The following EPCAM variants were observed in gnomAD, a reference collection of about 807,000 sequenced individuals.
The protein encoded by EPCAM is adenocarcinoma-associated antigen.
EPCAM carries 39 observed loss-of-function variants against 40.0 expected under a neutral mutation model. The ratio of observed to expected loss-of-function variants is 0.98; its 90% CI spans 0.76 to 1.27. The LOEUF is 1.27. EPCAM is among the 50% of genes most tolerant of loss of function. EPCAM has a pLI of 0.00. For synonymous variants in EPCAM, 168 were observed against 132.3 expected (o/e 1.27, Z -1.85); for missense variants, 503 against 381.2 (o/e 1.32, Z -2.66).
At chr2:47,381,392 CAAA>C (rs370875469) in intron 7 of EPCAM, among the ~76,000 whole-genome samples, 15 of 74,348 alleles carry the variant, frequency 2.0e-4, no homozygotes, top group African/African-American at 6.4e-4. Context: ...AACTCCGTCT[CAAA>C]AAAAAAAAAA....
intron 7 of EPCAM, among the ~76,000 whole-genome samples, chr2:47,384,789 C>T (rs996704421): frequency 6.6e-6 from 1 of 152,184 alleles, no homozygotes; most frequent in African/African-American, 2.4e-5. Flanking sequence ...TCACTGCAAC[C>T]TCTGCCTCCT....
rs539981178 is a variant in EPCAM at position 47,386,975 on chromosome 2, A to G, written c.*362A>G. 77 of 241,342 alleles carry G rather than the reference A, an allele frequency of 3.2e-4. No homozygotes were observed. Among genetic ancestry groups the G allele is most frequent in the Non-Finnish European group, 5.5e-4 (68 of 124,132 alleles). The allele number at this position is 241,342 out of a possible 1,614,324, so 15.0% of individuals were successfully genotyped here. ...CTTTCTATTTACTTGAGTCTTGTAC[A>G]TACATACTTTTTTATGAGCTATGAA... On this transcript the variant is annotated 3_prime_UTR_variant, in exon 9 of 9. Transcript: ENST00000263735.
In EPCAM at chr2:47,373,708, T is replaced by A. The variant is rs533102668; in HGVS notation, c.185-100T>A. On this transcript the variant is annotated intron_variant, in intron 2 of 8. Coordinates refer to ENST00000263735, the MANE Select transcript of EPCAM (RefSeq NM_002354.3). ...AAGTAAGTGTGGGAACACATAAATT[T>A]CAAATAATCTTTGACCCTGGAACTT... is the stretch of plus-strand genomic sequence containing the variant. 9.7e-6 allele frequency: 15 copies of A among 1,545,718 alleles called. No individual in the cohort carries two copies. The East Asian group carries it at 3.0e-4, about 30-fold the overall frequency.
intron 6 of EPCAM, 133 bp downstream of exon 6, chr2:47,379,187 C>G: frequency 1.5e-6 from 1 of 668,614 alleles, no homozygotes; most frequent in East Asian, 2.7e-5. Flanking sequence ...TAATTTTGTC[C>G]TCCCTGTCAC....
intron 5 of EPCAM, among the ~76,000 whole-genome samples, chr2:47,377,991 G>C (rs919198919): frequency 3.9e-5 from 6 of 152,052 alleles, no homozygotes; most frequent in African/African-American, 1.4e-4. Context: ...CCAGCACTTT[G>C]GGAGGCCGAG....
intron 7 of EPCAM, among the ~76,000 whole-genome samples, chr2:47,384,723 A>G (rs530700948): frequency 6.8e-6 from 1 of 146,994 alleles, no homozygotes; most frequent in East Asian, 2.0e-4. Flanking sequence ...ATTTATTTTT[A>G]AGAGACAGGG....
chr2:47,377,406 T>C (rs1343342228), intron 5 of EPCAM, among the ~76,000 whole-genome samples: 1 of 151,946 alleles, frequency 6.6e-6, no homozygotes, highest in Non-Finnish European at 1.5e-5. Flanking sequence ...CCAGCTAATT[T>C]TTGTATTTTT....
At chr2:47,369,880 G>T in intron 1 of EPCAM, 1 of 512,136 alleles carries the variant, frequency 2.0e-6, no homozygotes, top group South Asian at 1.8e-5. Flanking sequence ...GGTTTCCTGC[G>T]GCCACCGAAC....
At chr2:47,371,799 G>A (rs1189171079) in intron 1 of EPCAM, among the ~76,000 whole-genome samples, 2 of 152,298 alleles carry the variant, frequency 1.3e-5, no homozygotes, top group East Asian at 3.9e-4. Flanking sequence ...CCAGTATTGA[G>A]TTTAGTGTTG....
At chr2:47,376,742 A>G (rs959180373) in intron 4 of EPCAM, among the ~76,000 whole-genome samples, 1 of 152,168 alleles carries the variant, frequency 6.6e-6, no homozygotes, top group African/African-American at 2.4e-5. Context: ...TGAAGTTACC[A>G]TTCTCCCTTT....
chr2:47,376,595 A>C (rs1361389317), intron 4 of EPCAM, among the ~76,000 whole-genome samples: 1 of 152,140 alleles, frequency 6.6e-6, no homozygotes, highest in African/African-American at 2.4e-5. Flanking sequence ...CAGGTTATGC[A>C]TTTTTGACAG....
intron 2 of EPCAM, 115 bp downstream of exon 2, chr2:47,373,685 G>A (rs1459208120): frequency 6.8e-7 from 1 of 1,466,432 alleles, no homozygotes; most frequent in Non-Finnish European, 9.5e-7. Flanking sequence ...ATGTTACAAA[G>A]TAAGTGTGGG....
intron 5 of EPCAM, among the ~76,000 whole-genome samples, chr2:47,378,095 G>A (rs1671475748): frequency 1.3e-5 from 2 of 151,938 alleles, no homozygotes; most frequent in Non-Finnish European, 2.9e-5. Context: ...GCCGAATGTG[G>A]TGGTGGGCAC....
At position 47,379,099 on chromosome 2, in the gene EPCAM, T is replaced by C. The variant is rs577333100; in HGVS notation, c.657+45T>C. The C allele has an allele frequency of 1.1e-4, 106 of 1,001,858 alleles. No individual in the cohort carries two copies. The East Asian group carries it at 2.4e-3, about 23-fold the overall frequency. The allele number at this position is 1,001,858 out of a possible 1,614,324, so 62.1% of individuals were successfully genotyped here. On this transcript the variant is annotated intron_variant, in intron 6 of 8. Coordinates refer to ENST00000263735, the MANE Select transcript of EPCAM (RefSeq NM_002354.3). ...TTCCTGTGTTCAGGAATGTAGTCTA[T>C]CATGCCTCAATGAATTAAATATATT... is the stretch of plus-strand genomic sequence containing the variant.
chr2:47,384,588 G>GT (rs1254528745), intron 7 of EPCAM, among the ~76,000 whole-genome samples: 1 of 150,122 alleles, frequency 6.7e-6, no homozygotes, highest in Non-Finnish European at 1.5e-5. Context: ...TAATTTTTTT[G>GT]TTTTTTTAGT....
rs1465930205 is a variant in EPCAM, at chr2:47,378,982, G to A, written c.585G>A (p.Leu195=). ...AGAATAATGTTATCACTATTGATCT[G>A]GTTCAAAATTCTTCTCAAAAAACTC... ...LYENNVITID[L]VQNSSQKTQN... Residue 195 remains leucine (L), a synonymous_variant, in exon 6 of 9, where the codon CTG becomes CTA. Transcript: ENST00000263735. The A allele has an allele frequency of 3.1e-6, 5 of 1,589,304 alleles. No individual in the cohort carries two copies. The East Asian group carries it at 6.7e-5, about 21-fold the overall frequency.
rs1229877041 is a variant in EPCAM at position 47,369,477 on chromosome 2, C to G, written c.-29C>G. The G allele has an allele frequency of 1.3e-6, 2 of 1,500,190 alleles. No homozygotes were observed. Among genetic ancestry groups the G allele is most frequent in the East Asian group, 2.7e-5 (1 of 37,572 alleles). The allele number at this position is 1,500,190 out of a possible 1,614,324, so 92.9% of individuals were successfully genotyped here. ...CCTCCCGCGAGTCCCGGGCCCCTCCCGCGCCCCTCTTCTCGGCGCGCGCGC... is the reference window on the plus strand; with the variant it reads ...CCTCCCGCGAGTCCCGGGCCCCTCCGGCGCCCCTCTTCTCGGCGCGCGCGC... On this transcript the variant is annotated 5_prime_UTR_variant, in exon 1 of 9. Coordinates refer to ENST00000263735, the MANE Select transcript of EPCAM (RefSeq NM_002354.3).
Position 47,379,773 on chromosome 2 carries a change from A to G in EPCAM, c.662A>G (p.Lys221Arg), listed in dbSNP as rs748292053. 7.4e-6 allele frequency: 12 copies of G among 1,612,888 alleles called. No individual in the cohort carries two copies. The highest frequency in any genetic ancestry group is 1.3e-5 in the African/African-American group (1 of 74,880). ...DVAYYFEKDV[K>R]GESLFHSKKM... Reference sequence around the variant, plus strand: ...CTTTTCTCCTTTTCAATACAGGTTAAAGGTGAATCCTTGTTTCATTCTAAG... The same window carrying G: ...CTTTTCTCCTTTTCAATACAGGTTAGAGGTGAATCCTTGTTTCATTCTAAG... Residue 221 changes from lysine to arginine, a missense_variant, in exon 7 of 9, where the codon AAA (lysine) becomes AGA (arginine). Transcript: ENST00000263735.
chr2:47,374,099 A>G (rs2103748288), intron 3 of EPCAM, 51 bp downstream of exon 3: 1 of 1,599,468 alleles, frequency 6.3e-7, no homozygotes, highest in Non-Finnish European at 8.6e-7. Flanking sequence ...AGATTCATTT[A>G]ATTAAATTTA....
Sources: allele counts gnomAD v4.1 joint callset (sites outside exome capture counted in the v4.1 genomes callset), GRCh38; gene constraint gnomAD v4.1.1; transcripts MANE v1.5; gene names NCBI Gene and HGNC (gene_info 2026-07-23, HGNC 2026-07-21).